Variants in BNC2 observed in about 807,000 individuals in gnomAD.
BNC2 encodes the protein basonuclin zinc finger protein 2.
In BNC2, 20 loss-of-function variants were observed where a neutral mutation model predicts 76.3. The observed-to-expected ratio is 0.26, with a 90% CI of 0.18 to 0.38. The LOEUF (loss-of-function observed/expected upper bound fraction) is 0.38, where lower values mean the gene tolerates loss of function less well. Ranked by LOEUF, BNC2 falls within the 10% of genes least tolerant of loss-of-function variation. BNC2 has a pLI of 1.00. For synonymous variants in BNC2, 582 were observed against 514.8 expected (o/e 1.13, Z -1.77); for missense variants, 1,382 against 1,399.8 (o/e 0.99, Z 0.20).
intron 5 of BNC2, among the ~76,000 whole-genome samples, chr9:16,544,652 C>T (rs1818417225): frequency 6.6e-6 from 1 of 151,782 alleles, no homozygotes; most frequent in Non-Finnish European, 1.5e-5. Context: ...AACCCCATCT[C>T]CACTAAAAAT....
chr9:16,623,286 A>T lies in BNC2; in HGVS notation c.331-40201T>A, dbSNP rs532532238. Among the ~76,000 whole-genome samples, 6 of 152,320 alleles carry T rather than the reference A, an allele frequency of 3.9e-5. No individual in the cohort carries two copies. In the East Asian group the frequency reaches 1.2e-3, roughly 29 times the overall value. ...ACTCAGGACTTAAAAACTAGGAGAG[A>T]GAGGGCATATTGTACCAGACTGAAT... On this transcript the variant is annotated intron_variant, in intron 3 of 6. Coordinates refer to ENST00000380672, the MANE Select transcript of BNC2 (RefSeq NM_017637.6).
At chr9:16,605,890 G>T (rs562855457) in intron 3 of BNC2, among the ~76,000 whole-genome samples, 1 of 149,218 alleles carries the variant, frequency 6.7e-6, no homozygotes, top group African/African-American at 2.5e-5. Context: ...CCCAGGCTCA[G>T]GTGATCCTCC....
At chr9:16,723,108 A>G (rs1438689595) in intron 3 of BNC2, among the ~76,000 whole-genome samples, 4 of 152,164 alleles carry the variant, frequency 2.6e-5, no homozygotes, top group African/African-American at 9.7e-5. Flanking sequence ...GCCTCTTAAT[A>G]TAAATATTTA....
At chr9:16,586,620 C>A (rs1313815292) in intron 3 of BNC2, among the ~76,000 whole-genome samples, 3 of 146,086 alleles carry the variant, frequency 2.1e-5, no homozygotes, top group Non-Finnish European at 4.5e-5. Flanking sequence ...CTCTCTCTCT[C>A]CACTGTAAAT....
chr9:16,439,218 G>A lies in BNC2; in HGVS notation c.670-1694C>T, dbSNP rs937734442. 2.0e-5 allele frequency among the ~76,000 whole-genome samples: 3 copies of A among 152,160 alleles called. No homozygotes were observed. In the East Asian group the frequency reaches 5.8e-4, roughly 29 times the overall value. On this transcript the variant is annotated intron_variant, in intron 5 of 6. Coordinates refer to ENST00000380672, the MANE Select transcript of BNC2 (RefSeq NM_017637.6). Reference sequence around the variant, plus strand: ...TTATAAATTACCCAGTCTTGGGTATGTCTTTATTAGTACATGGGAATGGAC... The same window carrying A: ...TTATAAATTACCCAGTCTTGGGTATATCTTTATTAGTACATGGGAATGGAC...
At chr9:16,641,205 T>A (rs1821483422) in intron 3 of BNC2, among the ~76,000 whole-genome samples, 1 of 152,208 alleles carries the variant, frequency 6.6e-6, no homozygotes, top group South Asian at 2.1e-4. Context: ...ACAAAAGTAA[T>A]CACACTATGT....
intron 3 of BNC2, among the ~76,000 whole-genome samples, chr9:16,651,909 G>A (rs1821805111): frequency 6.6e-6 from 1 of 152,090 alleles, no homozygotes; most frequent in Non-Finnish European, 1.5e-5. Flanking sequence ...ATAAAAAATA[G>A]AGTGTTAAGA....
At chr9:16,540,831 T>C (rs1011619912) in intron 5 of BNC2, among the ~76,000 whole-genome samples, 2 of 152,152 alleles carry the variant, frequency 1.3e-5, no homozygotes, top group Admixed American at 6.5e-5. Context: ...TAGCACCTCA[T>C]TGAAAGATCA....
chr9:16,853,123 C>A (rs1304342718), intron 1 of BNC2, among the ~76,000 whole-genome samples: 2 of 152,202 alleles, frequency 1.3e-5, no homozygotes, highest in Admixed American at 1.3e-4. Flanking sequence ...TTAGAAGATA[C>A]AATAGTATTC....
intron 3 of BNC2, among the ~76,000 whole-genome samples, chr9:16,717,997 C>T (rs78604467): frequency 0.013 from 2,040 of 152,258 alleles, 43 homozygotes; most frequent in African/African-American, 0.045. Flanking sequence ...AATGAACACC[C>T]AAGCTTTTCT....
At position 16,726,509 on chromosome 9, in the gene BNC2, T is replaced by A. The variant is rs368102407; in HGVS notation, c.330+1288A>T. On this transcript the variant is annotated intron_variant, in intron 3 of 6. Transcript: ENST00000380672. ...TTTTTATTATCAACAACTTTAAATA[T>A]CTAACTCAAAGTATTTAATTTTCGT... Among the ~76,000 whole-genome samples the A allele has an allele frequency of 2.3e-4, 34 of 147,594 alleles. No individual in the cohort carries two copies. In the East Asian group the frequency reaches 4.2e-3, roughly 18 times the overall value.
chr9:16,820,818 C>T (rs1296530258), intron 1 of BNC2, among the ~76,000 whole-genome samples: 2 of 148,470 alleles, frequency 1.3e-5, no homozygotes, highest in African/African-American at 2.5e-5. Context: ...AAAAAAAAAA[C>T]ACTAAAAGTT....
rs192154035 is a variant in BNC2 at position 16,815,962 on chromosome 9, T to G, written c.3+54684A>C. Among the ~76,000 whole-genome samples the G allele has an allele frequency of 4.2e-3, 647 of 152,318 alleles. 1 individual carries two copies. Among genetic ancestry groups the G allele is most frequent in the Middle Eastern group, 0.014 (4 of 294 alleles). On this transcript the variant is annotated intron_variant, in intron 1 of 6. Transcript: ENST00000380672. ...AGCCATGCCTAAAATATTGGTCTTT[T>G]GCTTGAAGTTCTTCATGTTTTAACT...
At chr9:16,496,454 G>C (rs7854653) in intron 5 of BNC2, among the ~76,000 whole-genome samples, 36 of 152,112 alleles carry the variant, frequency 2.4e-4, no homozygotes, top group African/African-American at 7.7e-4. Context: ...CAAATATTCA[G>C]AAGAGCCCTA....
intron 1 of BNC2, among the ~76,000 whole-genome samples, chr9:16,834,152 A>C (rs1818646864): frequency 6.6e-6 from 1 of 151,984 alleles, no homozygotes; most frequent in Non-Finnish European, 1.5e-5. Flanking sequence ...AAAAATGAAG[A>C]GTGGTCTCAA....
chr9:16,787,671 C>A (rs746437710), intron 1 of BNC2, among the ~76,000 whole-genome samples: 12 of 152,148 alleles, frequency 7.9e-5, no homozygotes, highest in Non-Finnish European at 1.8e-4. Context: ...ACTCTGGCCA[C>A]CGCTTCCTAC....
At chr9:16,653,691 G>A (rs936685020) in intron 3 of BNC2, among the ~76,000 whole-genome samples, 4 of 152,116 alleles carry the variant, frequency 2.6e-5, no homozygotes, top group Admixed American at 6.6e-5. Context: ...TCATCTGGTC[G>A]GCAGGGTGGG....
At chr9:16,617,734 CAGCATTTATT>C (rs978042523) in intron 3 of BNC2, among the ~76,000 whole-genome samples, 1 of 152,190 alleles carries the variant, frequency 6.6e-6, no homozygotes, top group Non-Finnish European at 1.5e-5. Flanking sequence ...AACATGTATG[CAGCATTTATT>C]ATGTTTCAGG....
chr9:16,835,658 C>T (rs977659197), intron 1 of BNC2, among the ~76,000 whole-genome samples: 10 of 152,140 alleles, frequency 6.6e-5, no homozygotes, highest in African/African-American at 9.7e-5. Context: ...GCAGAGATAG[C>T]GCCACTGCAC....
Sources: gnomAD v4.1 joint callset for allele counts (sites outside exome capture counted in the v4.1 genomes callset) on GRCh38, gnomAD v4.1.1 for gene constraint, MANE v1.5 for transcripts, NCBI Gene and HGNC (gene_info 2026-07-23, HGNC 2026-07-21) for gene names.